Variants in TIAM1 observed in about 807,000 individuals in gnomAD.
TIAM1 encodes the protein rho guanine nucleotide exchange factor TIAM1.
A neutral mutation model predicts 163.5 loss-of-function variants in TIAM1; 65 were observed. The observed-to-expected ratio is 0.40, with a 90% confidence interval of 0.33 to 0.49. TIAM1 has a LOEUF of 0.49. TIAM1 is among the 20% of genes least tolerant of loss of function. TIAM1 has a pLI of 0.77. For synonymous variants in TIAM1, 833 were observed against 810.1 expected (o/e 1.03, Z -0.48); for missense variants, 1,789 against 2,044.7 (o/e 0.87, Z 2.41).
At chr21:31,191,166 CT>C (rs942768408) in intron 13 of TIAM1, among the ~76,000 whole-genome samples, 3 of 149,422 alleles carry the variant, frequency 2.0e-5, no homozygotes, top group Admixed American at 6.7e-5. Context: ...CTTTTCTTTT[CT>C]TTTTTTTTTC....
intron 3 of TIAM1, 96 bp from the exon 4 acceptor site, chr21:31,267,079 C>T (rs540990519): frequency 2.0e-6 from 3 of 1,477,742 alleles, no homozygotes; most frequent in South Asian, 1.4e-5. Flanking sequence ...GAGGGCAGAA[C>T]ACCTTGGCTC....
chr21:31,363,761 T>C lies in TIAM1; in HGVS notation c.-368-24339A>G, dbSNP rs573428731. On this transcript the variant is annotated intron_variant, in intron 2 of 28. Transcript: ENST00000286827. ...AATGGAGCAGCTGCAGACGCTTTGCTAGCATCCAGATTACAATCTTAGAGT... is the reference window on the plus strand; with the variant it reads ...AATGGAGCAGCTGCAGACGCTTTGCCAGCATCCAGATTACAATCTTAGAGT... 1.2e-4 allele frequency among the ~76,000 whole-genome samples: 18 copies of C among 152,268 alleles called. No individual in the cohort carries two copies. The South Asian group carries it at 3.7e-3, about 32-fold the overall frequency.
At chr21:31,402,703 C>A (rs893014839) in intron 2 of TIAM1, among the ~76,000 whole-genome samples, 1 of 152,054 alleles carries the variant, frequency 6.6e-6, no homozygotes, top group Non-Finnish European at 1.5e-5. Context: ...CCCAGCAGCA[C>A]TTTTGAGAGG....
intron 1 of TIAM1, among the ~76,000 whole-genome samples, chr21:31,493,002 G>A (rs11701971): frequency 0.029 from 4,405 of 151,878 alleles, 86 homozygotes; most frequent in South Asian, 0.042. Flanking sequence ...AAATGAAGTC[G>A]TTTAAGTTGA....
rs372186239 is a variant in TIAM1 at position 31,545,012 on chromosome 21, CA to C, written c.-422+13914del. The stretch of plus-strand genomic sequence containing the variant: ...TGGGTGACAGAGTGAGACTCCGTCT[CA>C]AAAAAAAAAGATATGTCAAAACCTT... On this transcript the variant is annotated intron_variant, in intron 1 of 28. Transcript: ENST00000286827. 2.1e-3 allele frequency among the ~76,000 whole-genome samples: 306 copies of C among 147,528 alleles called. 2 individuals carry two copies. The highest frequency in any genetic ancestry group is 7.4e-3 in the African/African-American group (296 of 40,258).
chr21:31,339,208 C>T (rs1401151803), intron 2 of TIAM1, 35 bp downstream of exon 2: 53 of 397,258 alleles, frequency 1.3e-4, no homozygotes, highest in Non-Finnish European at 1.9e-4. Flanking sequence ...AGCTTCAATC[C>T]TCATTCCCCA....
rs540920724 is a variant in TIAM1 at position 31,325,127 on chromosome 21, T to C, written c.-189+14116A>G. 1.3e-3 allele frequency among the ~76,000 whole-genome samples: 183 copies of C among 139,946 alleles called. 1 individual carries two copies. The highest frequency in any genetic ancestry group is 4.7e-3 in the African/African-American group (176 of 37,600). The allele number at this position is 139,946 out of a possible 152,430, so 91.8% of individuals were successfully genotyped here. ...AGACCCCATCTCTACAAAAAAAAAA[T>C]ACAAAAATTAGCCAGGAATGGTGGT... On this transcript the variant is annotated intron_variant, in intron 2 of 27. Coordinates refer to ENST00000541036, the MANE Select transcript of TIAM1 (RefSeq NM_001353694.2).
chr21:31,151,347 G>A (rs1400486385), intron 19 of TIAM1, among the ~76,000 whole-genome samples: 1 of 152,186 alleles, frequency 6.6e-6, no homozygotes, highest in Non-Finnish European at 1.5e-5. Context: ...ATAACAAAGT[G>A]TGGTCTATCC....
At chr21:31,316,977 T>C (rs574235032) in intron 2 of TIAM1, among the ~76,000 whole-genome samples, 2 of 152,306 alleles carry the variant, frequency 1.3e-5, no homozygotes, top group African/African-American at 2.4e-5. Context: ...TACGTTGCTG[T>C]ACCTCTGAGT....
At chr21:31,460,277 A>G (rs941853868) in intron 2 of TIAM1, among the ~76,000 whole-genome samples, 1 of 152,150 alleles carries the variant, frequency 6.6e-6, no homozygotes, top group Non-Finnish European at 1.5e-5. Context: ...TCCTTCGACC[A>G]CACACACATA....
intron 1 of TIAM1, among the ~76,000 whole-genome samples, chr21:31,495,312 G>A (rs1020241710): frequency 5.9e-5 from 9 of 152,134 alleles, no homozygotes; most frequent in South Asian, 2.1e-4. Context: ...TCAAGGCACC[G>A]GCAGATTCAG....
At chr21:31,169,328 G>T (rs1277428766) in intron 15 of TIAM1, among the ~76,000 whole-genome samples, 1 of 112,504 alleles carries the variant, frequency 8.9e-6, no homozygotes, top group Non-Finnish European at 2.4e-5. Flanking sequence ...TAAAACAGAA[G>T]AAGAAAGAGA....
chr21:31,547,543 G>A (rs140878016), intron 1 of TIAM1, among the ~76,000 whole-genome samples: 104 of 152,274 alleles, frequency 6.8e-4, no homozygotes, highest in African/African-American at 2.4e-3. Flanking sequence ...TAAGGAATTC[G>A]ATTGCTAAAT....
At chr21:31,201,305 C>T (rs1222718639) in intron 12 of TIAM1, among the ~76,000 whole-genome samples, 5 of 152,152 alleles carry the variant, frequency 3.3e-5, no homozygotes, top group Non-Finnish European at 7.4e-5. Context: ...AAAAAGAATA[C>T]ATCAGCCCTC....
chr21:31,481,209 G>A (rs2046099477), intron 1 of TIAM1, among the ~76,000 whole-genome samples: 1 of 152,158 alleles, frequency 6.6e-6, no homozygotes, highest in African/African-American at 2.4e-5. Context: ...ACACAAGTGT[G>A]TACAGGTCCT....
intron 23 of TIAM1, among the ~76,000 whole-genome samples, chr21:31,134,220 G>A (rs894594874): frequency 5.9e-5 from 9 of 152,142 alleles, no homozygotes; most frequent in African/African-American, 2.2e-4. Flanking sequence ...AAATCTAAAT[G>A]TTGACCTCTA....
At chr21:31,459,226 C>T (rs2045231872) in intron 2 of TIAM1, among the ~76,000 whole-genome samples, 1 of 152,172 alleles carries the variant, frequency 6.6e-6, no homozygotes, top group African/African-American at 2.4e-5. Flanking sequence ...ATCCTCCCAC[C>T]TCAGCCTCCT....
intron 4 of TIAM1, among the ~76,000 whole-genome samples, chr21:31,255,451 C>G (rs1482227274): frequency 6.6e-6 from 1 of 152,136 alleles, no homozygotes; most frequent in Non-Finnish European, 1.5e-5. Flanking sequence ...CAACACCGCT[C>G]TTTCTTTCCT....
At chr21:31,128,472 G>T (rs1359548183) in intron 25 of TIAM1, among the ~76,000 whole-genome samples, 1 of 152,106 alleles carries the variant, frequency 6.6e-6, no homozygotes, top group African/African-American at 2.4e-5. Flanking sequence ...GAAATTCCTG[G>T]CTTAGAAGCT....
Sources: allele counts gnomAD v4.1 joint callset (sites outside exome capture counted in the v4.1 genomes callset), GRCh38; gene constraint gnomAD v4.1.1; transcripts MANE v1.5; gene names NCBI Gene and HGNC (gene_info 2026-07-23, HGNC 2026-07-21).